Variants in UNC13C observed in about 807,000 individuals in gnomAD.
UNC13C encodes unc-13 homolog C, also known as protein unc-13 homolog C.
UNC13C carries 174 observed loss-of-function variants against 245.4 expected under a neutral mutation model. The ratio of observed to expected loss-of-function variants is 0.71; its 90% CI spans 0.63 to 0.80. The LOEUF (loss-of-function observed/expected upper bound fraction) is 0.80, where lower values mean the gene tolerates loss of function less well. Ranked by LOEUF, UNC13C falls within the 30% of genes least tolerant of loss-of-function variation. The probability of loss-of-function intolerance (pLI) is 0.00; values close to 1 mark genes in which losing one functional copy is unlikely to be tolerated. For synonymous variants in UNC13C, 992 were observed against 895.1 expected (o/e 1.11, Z -1.93); for missense variants, 2,829 against 2,602.9 (o/e 1.09, Z -1.89).
At chr15:54,619,934 A>G (rs2141306345) in intron 30 of UNC13C, among the ~76,000 whole-genome samples, 1 of 152,310 alleles carries the variant, frequency 6.6e-6, no homozygotes, top group East Asian at 1.9e-4. Context: ...TTCAAAGTGA[A>G]AATTCTAAAT....
chr15:53,990,170 T>A (rs1894320744), intron 1 of UNC13C, among the ~76,000 whole-genome samples: 1 of 152,024 alleles, frequency 6.6e-6, no homozygotes, highest in Admixed American at 6.6e-5. Context: ...AAACATACTC[T>A]CTTAAAGACT....
At chr15:54,327,318 T>C (rs1340790898) in intron 14 of UNC13C, among the ~76,000 whole-genome samples, 2 of 152,036 alleles carry the variant, frequency 1.3e-5, no homozygotes, top group African/African-American at 4.8e-5. Flanking sequence ...TAATATTTTC[T>C]TTCTACACAT....
chr15:53,995,880 G>A (rs537702167), intron 1 of UNC13C, among the ~76,000 whole-genome samples: 2 of 152,290 alleles, frequency 1.3e-5, no homozygotes, highest in South Asian at 4.1e-4. Flanking sequence ...AAGGACTCGT[G>A]GAGAAGTAGA....
the UNC13C span, among the ~76,000 whole-genome samples, chr15:53,894,087 A>G: frequency 3.3e-5 from 5 of 152,166 alleles, no homozygotes; most frequent in African/African-American, 4.8e-5. Flanking sequence ...TCCCTTGGAT[A>G]GGGGAGAAAA....
At position 54,013,342 on chromosome 15, in the gene UNC13C, A is replaced by G; in HGVS notation, c.439A>G (p.Thr147Ala). The change falls in exon 2 of 33, where the codon ACA (threonine) becomes GCA (alanine). Residue 147 changes from threonine (T) to alanine (A), a missense_variant. Thr to Ala is a moderately conservative substitution (Grantham distance 58, BLOSUM62 0). Transcript: ENST00000260323. Reference protein sequence around the residue: ...STENQAQSTHTMPVRRNRKSS... With the variant: ...STENQAQSTHAMPVRRNRKSS... ...AGAAAACCAGGCACAATCAACACAC[A>G]CAATGCCAGTTAGACGCAACAGAAA... The G allele has an allele frequency of 1.2e-6, 2 of 1,613,910 alleles. No individual in the cohort carries two copies. The highest frequency in any genetic ancestry group is 1.7e-6 in the Non-Finnish European group (2 of 1,179,852).
At chr15:54,322,596 T>C (rs1274070250) in intron 14 of UNC13C, among the ~76,000 whole-genome samples, 1 of 151,904 alleles carries the variant, frequency 6.6e-6, no homozygotes, top group Non-Finnish European at 1.5e-5. Flanking sequence ...TGTGCCTAAT[T>C]AAGGCTGTCC....
intron 19 of UNC13C, among the ~76,000 whole-genome samples, chr15:54,471,973 A>G (rs1188463557): frequency 2.0e-5 from 3 of 151,738 alleles, no homozygotes; most frequent in African/African-American, 7.2e-5. Flanking sequence ...AGTTGTTGAT[A>G]GATAAGAACT....
intron 13 of UNC13C, chr15:54,321,561 G>C (rs1431418654): frequency 2.4e-6 from 1 of 421,816 alleles, no homozygotes. Context: ...TAGCCTGTGA[G>C]TGTTCCCCGT....
chr15:54,522,590 T>C (rs1055075341), intron 24 of UNC13C, among the ~76,000 whole-genome samples: 1 of 152,190 alleles, frequency 6.6e-6, no homozygotes, highest in Non-Finnish European at 1.5e-5. Context: ...AATACCTCAA[T>C]GGTGTAAAAC....
chr15:54,143,506 C>A, intron 3 of UNC13C, 114 bp from the exon 4 acceptor site: 1 of 724,302 alleles, frequency 1.4e-6, no homozygotes, highest in Non-Finnish European at 2.3e-6. Context: ...TAGCATCTGT[C>A]ATACTAGGTG....
intron 19 of UNC13C, among the ~76,000 whole-genome samples, chr15:54,446,192 A>G (rs998905020): frequency 3.9e-5 from 6 of 152,128 alleles, no homozygotes; most frequent in Non-Finnish European, 8.8e-5. Flanking sequence ...TTTGGTTACT[A>G]TAGCCTTGTA....
intron 19 of UNC13C, among the ~76,000 whole-genome samples, chr15:54,466,665 C>A (rs1892188019): frequency 6.6e-6 from 1 of 151,738 alleles, no homozygotes. Context: ...AAAACAGACC[C>A]CACCCACACA....
chr15:53,868,544 G>A, the UNC13C span, among the ~76,000 whole-genome samples: 923 of 152,186 alleles, frequency 6.1e-3, 7 homozygotes, highest in Middle Eastern at 0.024. Context: ...CTCCCCACAG[G>A]GTTCTTCTCT....
intron 19 of UNC13C, among the ~76,000 whole-genome samples, chr15:54,421,116 A>G (rs554375104): frequency 6.6e-6 from 1 of 152,160 alleles, no homozygotes; most frequent in African/African-American, 2.4e-5. Flanking sequence ...CTATGAAATA[A>G]ATACTATCAT....
intron 13 of UNC13C, among the ~76,000 whole-genome samples, chr15:54,311,171 G>T (rs913993311): frequency 7.9e-5 from 12 of 151,582 alleles, no homozygotes; most frequent in African/African-American, 2.2e-4. Flanking sequence ...ATTTTATTTT[G>T]CAAAATCAGT....
chr15:53,940,335 G>C, the UNC13C span, among the ~76,000 whole-genome samples: 2 of 151,962 alleles, frequency 1.3e-5, no homozygotes, highest in Non-Finnish European at 2.9e-5. Context: ...TAAGAGCTGT[G>C]TATGACAAAC....
chr15:53,989,755 T>G (rs1172617643), intron 1 of UNC13C, among the ~76,000 whole-genome samples: 1 of 152,024 alleles, frequency 6.6e-6, no homozygotes, highest in Non-Finnish European at 1.5e-5. Context: ...TGAACTTATT[T>G]ATACTAATGT....
intron 2 of UNC13C, among the ~76,000 whole-genome samples, chr15:54,022,319 C>CT (rs973029530): frequency 2.9e-4 from 43 of 148,452 alleles, no homozygotes; most frequent in South Asian, 6.4e-4. Context: ...TTGGCTGTTT[C>CT]TTTTTTTTTT....
intron 13 of UNC13C, among the ~76,000 whole-genome samples, chr15:54,312,694 A>G (rs2037906292): frequency 6.6e-6 from 1 of 151,726 alleles, no homozygotes; most frequent in East Asian, 1.9e-4. Context: ...GAAAGGAGAA[A>G]CAGCTTTACT....
Sources: allele counts gnomAD v4.1 joint callset (sites outside exome capture counted in the v4.1 genomes callset), GRCh38; gene constraint gnomAD v4.1.1; transcripts MANE v1.5; gene names NCBI Gene and HGNC (gene_info 2026-07-23, HGNC 2026-07-21).